Variants in R3HDM2 observed in about 807,000 individuals in gnomAD.
R3HDM2 encodes the protein R3H domain containing 2.
Under a neutral mutation model 124.5 loss-of-function variants are expected in R3HDM2, and 38 were observed. The observed-to-expected ratio is 0.31, with a 90% CI of 0.24 to 0.40. The LOEUF (loss-of-function observed/expected upper bound fraction) is 0.40. Among genes scored for constraint, R3HDM2 ranks in the 10% least tolerant of loss-of-function variants. The probability of loss-of-function intolerance (pLI) is 1.00; values close to 1 mark genes in which losing one functional copy is unlikely to be tolerated. For missense variants in R3HDM2, 869 were observed against 1,236.9 expected (o/e 0.70, Z 4.46); for synonymous variants, 391 against 448.0 (o/e 0.87, Z 1.61).
At chr12:57,314,533 A>T (rs1265578600) in intron 2 of R3HDM2, among the ~76,000 whole-genome samples, 1 of 152,224 alleles carries the variant, frequency 6.6e-6, no homozygotes, top group Non-Finnish European at 1.5e-5. Context: ...AAGAGTTCTT[A>T]GATTTGACCT....
intron 1 of R3HDM2, among the ~76,000 whole-genome samples, chr12:57,416,700 C>T (rs1488608423): frequency 2.6e-5 from 4 of 151,894 alleles, no homozygotes; most frequent in South Asian, 2.1e-4. Flanking sequence ...CCCAGCTACT[C>T]GAGAGGATGA....
At chr12:57,370,252 C>T (rs2063155706) in intron 2 of R3HDM2, among the ~76,000 whole-genome samples, 2 of 152,134 alleles carry the variant, frequency 1.3e-5, no homozygotes, top group South Asian at 2.1e-4. Context: ...TGCTTGCACT[C>T]GCGAAGACAT....
At chr12:57,392,860 A>G (rs1188767923) in intron 2 of R3HDM2, among the ~76,000 whole-genome samples, 2 of 143,814 alleles carry the variant, frequency 1.4e-5, no homozygotes, top group Admixed American at 7.2e-5. Context: ...GCTGGAGTGC[A>G]GTGGCACGAT....
chr12:57,392,045 C>T (rs1038007340), intron 2 of R3HDM2, among the ~76,000 whole-genome samples: 1 of 152,156 alleles, frequency 6.6e-6, no homozygotes, highest in Non-Finnish European at 1.5e-5. Context: ...CACCTGTAAT[C>T]CCAGCAATTT....
intron 3 of R3HDM2, among the ~76,000 whole-genome samples, chr12:57,305,214 T>C (rs571628962): frequency 9.2e-5 from 14 of 152,088 alleles, no homozygotes; most frequent in South Asian, 2.1e-4. Flanking sequence ...ATAAACATAT[T>C]ATACATACTA....
At chr12:57,355,469 A>G (rs552217614) in intron 2 of R3HDM2, among the ~76,000 whole-genome samples, 34 of 151,006 alleles carry the variant, frequency 2.3e-4, no homozygotes, top group African/African-American at 7.5e-4. Context: ...AAAAAAAAAA[A>G]AAAGAAAGAA....
Position 57,256,593 on chromosome 12 carries a change from C to T in R3HDM2, c.2450-82G>A. ...ATAAGACTTCAAGGGGCTTTGGAGA[C>T]AGCAACAATGCATACTATTCCTAAT... On this transcript the variant is annotated intron_variant, in intron 21 of 23. Transcript: ENST00000402412. 7 of 989,740 alleles carry T rather than the reference C, an allele frequency of 7.1e-6. No homozygotes were observed. The South Asian group carries it at 8.4e-5, about 12-fold the overall frequency. 61.3% of individuals were successfully genotyped at this position (989,740 alleles called of 1,614,324 possible). A position where few individuals can be genotyped will look rare whatever the true frequency, so the allele number is the denominator to read the frequency against.
At chr12:57,325,325 A>T (rs1011268198) in intron 2 of R3HDM2, among the ~76,000 whole-genome samples, 2 of 152,114 alleles carry the variant, frequency 1.3e-5, no homozygotes, top group Non-Finnish European at 2.9e-5. Flanking sequence ...TGTAGTTTTA[A>T]TAGAGACAAG....
chr12:57,360,735 C>T (rs528005882), intron 2 of R3HDM2, among the ~76,000 whole-genome samples: 1 of 152,068 alleles, frequency 6.6e-6, no homozygotes, highest in Non-Finnish European at 1.5e-5. Context: ...GAAAATGTGG[C>T]TTTTATATGG....
At chr12:57,385,899 G>A (rs901382231) in intron 2 of R3HDM2, among the ~76,000 whole-genome samples, 2 of 152,040 alleles carry the variant, frequency 1.3e-5, no homozygotes, top group African/African-American at 2.4e-5. Flanking sequence ...CTTTTTCACT[G>A]TCATGCTCTC....
chr12:57,346,132 G>C (rs1275908945), intron 2 of R3HDM2, among the ~76,000 whole-genome samples: 2 of 149,570 alleles, frequency 1.3e-5, no homozygotes, highest in Non-Finnish European at 3.0e-5. Flanking sequence ...ACTCCAGCCT[G>C]GGCAACAAGA....
intron 3 of R3HDM2, among the ~76,000 whole-genome samples, chr12:57,308,592 A>G (rs988601195): frequency 3.3e-5 from 5 of 152,018 alleles, no homozygotes; most frequent in African/African-American, 1.2e-4. Context: ...AGGCTGAGGC[A>G]GGAGAATCGC....
At chr12:57,408,505 C>A (rs983970506) in intron 1 of R3HDM2, among the ~76,000 whole-genome samples, 28 of 152,102 alleles carry the variant, frequency 1.8e-4, no homozygotes, top group South Asian at 6.2e-4. Context: ...CCAAGACAGG[C>A]GGATTGCTTA....
intron 14 of R3HDM2, among the ~76,000 whole-genome samples, chr12:57,274,318 A>G (rs1713127923): frequency 6.6e-6 from 1 of 152,168 alleles, no homozygotes; most frequent in Non-Finnish European, 1.5e-5. Context: ...TACTAAAAAT[A>G]CAAAAATTAG....
intron 1 of R3HDM2, among the ~76,000 whole-genome samples, chr12:57,397,914 T>TATA (rs2067712259): frequency 6.6e-6 from 1 of 152,224 alleles, no homozygotes; most frequent in South Asian, 2.1e-4. Context: ...CCGGGCACAG[T>TATA]GGCTCACGCC....
intron 2 of R3HDM2, among the ~76,000 whole-genome samples, chr12:57,390,829 G>A (rs1243044399): frequency 6.6e-6 from 1 of 152,126 alleles, no homozygotes; most frequent in African/African-American, 2.4e-5. Flanking sequence ...TGGCCAACAT[G>A]GTGAAACCCT....
At chr12:57,313,573 A>AT (rs2054369172) in intron 2 of R3HDM2, among the ~76,000 whole-genome samples, 1 of 151,486 alleles carries the variant, frequency 6.6e-6, no homozygotes, top group South Asian at 2.1e-4. Context: ...CAAAAAAAAA[A>AT]AAAATAATAA....
chr12:57,397,000 G>A (rs2067608624), intron 1 of R3HDM2, among the ~76,000 whole-genome samples: 1 of 150,510 alleles, frequency 6.6e-6, no homozygotes, highest in African/African-American at 2.5e-5. Flanking sequence ...GGCTGAGGGA[G>A]GAGAATGGCT....
In R3HDM2 at chr12:57,418,265, T is replaced by C. The variant is rs530725577; in HGVS notation, c.-106+12455A>G. Reference sequence around the variant, plus strand: ...AAATTCTGGAACCATCTCACATTCATCTGCTCTTTTCAGCTCTGATTCCTC... The same window carrying C: ...AAATTCTGGAACCATCTCACATTCACCTGCTCTTTTCAGCTCTGATTCCTC... On this transcript the variant is annotated intron_variant, in intron 1 of 23. Coordinates refer to ENST00000402412, the MANE Select transcript of R3HDM2 (RefSeq NM_001394031.1). The C allele has an allele frequency of 4.1e-6, 4 of 985,406 alleles. No homozygotes were observed. In the African/African-American group the frequency reaches 5.2e-5, roughly 13 times the overall value. 61.0% of individuals were successfully genotyped at this position (985,406 alleles called of 1,614,324 possible).
Sources: gnomAD v4.1 joint callset for allele counts (sites outside exome capture counted in the v4.1 genomes callset) on GRCh38, gnomAD v4.1.1 for gene constraint, MANE v1.5 for transcripts, NCBI Gene and HGNC (gene_info 2026-07-23, HGNC 2026-07-21) for gene names.